The following TMEM131 variants were observed in gnomAD, a reference collection of about 807,000 sequenced individuals.
TMEM131 encodes 2610524E03Rik.
Under a neutral mutation model 211.6 loss-of-function variants are expected in TMEM131, and 66 were observed. That is an observed-to-expected ratio of 0.31 (90% CI 0.26 to 0.38). The LOEUF (loss-of-function observed/expected upper bound fraction) is 0.38, where lower values mean the gene tolerates loss of function less well. TMEM131 is among the 10% of genes least tolerant of loss of function. The probability of loss-of-function intolerance (pLI) is 1.00; values close to 1 mark genes in which losing one functional copy is unlikely to be tolerated. For missense variants in TMEM131, 2,036 were observed against 2,299.3 expected (o/e 0.89, Z 2.34); for synonymous variants, 844 against 841.3 (o/e 1.00, Z -0.06).
At chr2:97,832,840 G>A (rs1221017236) in intron 11 of TMEM131, among the ~76,000 whole-genome samples, 2 of 152,148 alleles carry the variant, frequency 1.3e-5, no homozygotes, top group African/African-American at 2.4e-5. Flanking sequence ...CTGTATGTAT[G>A]TGTGAGGGAG....
At chr2:97,815,365 G>A (rs1179230547) in intron 12 of TMEM131, 58 bp from the exon 13 acceptor site, 2 of 1,061,838 alleles carry the variant, frequency 1.9e-6, no homozygotes, top group African/African-American at 1.7e-5. Flanking sequence ...GAGAATTAGT[G>A]AATTTATGTA....
At chr2:97,932,182 A>G (rs1677253124) in intron 1 of TMEM131, among the ~76,000 whole-genome samples, 1 of 151,970 alleles carries the variant, frequency 6.6e-6, no homozygotes. Flanking sequence ...TTAGAATTCA[A>G]CATTGTTAAA....
intron 2 of TMEM131, among the ~76,000 whole-genome samples, chr2:97,919,005 A>T (rs1676627876): frequency 6.6e-6 from 1 of 152,136 alleles, no homozygotes; most frequent in Non-Finnish European, 1.5e-5. Context: ...CTCAGCTGGG[A>T]CTGCTGACCA....
chr2:97,861,176 A>G (rs942411416), intron 4 of TMEM131, among the ~76,000 whole-genome samples: 4 of 151,966 alleles, frequency 2.6e-5, no homozygotes, highest in African/African-American at 9.7e-5. Context: ...GGGGCCCTAA[A>G]TAAATTTGAA....
chr2:97,897,006 C>G (rs1340740654), intron 3 of TMEM131, among the ~76,000 whole-genome samples: 1 of 59,538 alleles, frequency 1.7e-5, no homozygotes, highest in Non-Finnish European at 3.9e-5. Flanking sequence ...TCTTTAATTA[C>G]TCTATATTAC....
At chr2:97,821,167 TA>T (rs1682101089) in intron 11 of TMEM131, among the ~76,000 whole-genome samples, 2 of 152,164 alleles carry the variant, frequency 1.3e-5, no homozygotes, top group Non-Finnish European at 2.9e-5. Context: ...TAGAGGATTG[TA>T]AACACACCAA....
chr2:97,883,409 C>T (rs1197372543), intron 4 of TMEM131, among the ~76,000 whole-genome samples: 1 of 152,194 alleles, frequency 6.6e-6, no homozygotes. Context: ...CCCATTCACA[C>T]TTCTTCCACA....
rs115738539 is a variant in TMEM131, at chr2:97,886,898, A to G, written c.359+1154T>C. On this transcript the variant is annotated intron_variant, in intron 4 of 40. Transcript: ENST00000186436. ...TCTTTTGACTCAGCAAGATGAAAAA[A>G]CTCTTTTTGGAGAATCTGAGAAGGG... 6.0e-3 allele frequency among the ~76,000 whole-genome samples: 904 copies of G among 150,942 alleles called. 16 individuals are homozygous for G. Among genetic ancestry groups the G allele is most frequent in the African/African-American group, 0.021 (864 of 41,040 alleles).
chr2:97,810,956 G>A (rs998769624), intron 18 of TMEM131, among the ~76,000 whole-genome samples, 172 bp downstream of exon 18: 2 of 152,200 alleles, frequency 1.3e-5, no homozygotes, highest in African/African-American at 2.4e-5. Flanking sequence ...AAAAAACTAT[G>A]AGCCTATGAA....
intron 3 of TMEM131, among the ~76,000 whole-genome samples, chr2:97,893,234 T>C (rs1461784195): frequency 6.6e-6 from 1 of 152,260 alleles, no homozygotes; most frequent in African/African-American, 2.4e-5. Context: ...CCCTTTTTAA[T>C]GGCTGCATAG....
At chr2:97,961,683 T>C (rs569167137) in intron 1 of TMEM131, among the ~76,000 whole-genome samples, 3 of 152,282 alleles carry the variant, frequency 2.0e-5, no homozygotes, top group South Asian at 2.1e-4. Context: ...CAAAATGATA[T>C]GTAAATCAAC....
intron 1 of TMEM131, among the ~76,000 whole-genome samples, chr2:97,929,906 C>A (rs549267611): frequency 6.6e-6 from 1 of 151,850 alleles, no homozygotes; most frequent in South Asian, 2.1e-4. Context: ...GAGCTAATGG[C>A]TCCAACAGAA....
chr2:97,827,096 A>T (rs1301178422), intron 11 of TMEM131, among the ~76,000 whole-genome samples: 12 of 152,010 alleles, frequency 7.9e-5, no homozygotes, highest in Admixed American at 4.6e-4. Context: ...AAAAAATTTT[A>T]AAATCCCAAA....
At chr2:97,870,642 T>C (rs1559413561) in intron 4 of TMEM131, among the ~76,000 whole-genome samples, 1 of 152,132 alleles carries the variant, frequency 6.6e-6, no homozygotes, top group Non-Finnish European at 1.5e-5. Context: ...AAGGGCAAGT[T>C]TCCTACACCA....
At chr2:97,938,187 T>A (rs1009418205) in intron 1 of TMEM131, among the ~76,000 whole-genome samples, 1 of 152,130 alleles carries the variant, frequency 6.6e-6, no homozygotes, top group Non-Finnish European at 1.5e-5. Context: ...AATATTAACC[T>A]TAAATGTAAA....
At chr2:97,937,648 T>C (rs1677508881) in intron 1 of TMEM131, among the ~76,000 whole-genome samples, 1 of 152,104 alleles carries the variant, frequency 6.6e-6, no homozygotes, top group Admixed American at 6.6e-5. Flanking sequence ...ATCACTCCAT[T>C]AAGATGACAT....
chr2:97,908,468 T>C (rs750835087), intron 3 of TMEM131, among the ~76,000 whole-genome samples, 190 bp downstream of exon 3: 25 of 152,210 alleles, frequency 1.6e-4, no homozygotes, highest in African/African-American at 2.2e-4. Flanking sequence ...TGCTACACAA[T>C]TGCATGATGT....
At chr2:97,968,677 C>G (rs1191462102) in intron 1 of TMEM131, among the ~76,000 whole-genome samples, 1 of 152,132 alleles carries the variant, frequency 6.6e-6, no homozygotes, top group Non-Finnish European at 1.5e-5. Flanking sequence ...CTCATCTGTG[C>G]GTAGTGAAGA....
At chr2:97,831,087 G>A (rs954479284) in intron 11 of TMEM131, among the ~76,000 whole-genome samples, 2 of 152,190 alleles carry the variant, frequency 1.3e-5, no homozygotes, top group African/African-American at 4.8e-5. Context: ...TAGCTGATAA[G>A]GTGGGAAATC....
Sources: gnomAD v4.1 joint callset for allele counts (sites outside exome capture counted in the v4.1 genomes callset) on GRCh38, gnomAD v4.1.1 for gene constraint, MANE v1.5 for transcripts, NCBI Gene and HGNC (gene_info 2026-07-23, HGNC 2026-07-21) for gene names.